The following JARID2 variants were observed in gnomAD, a reference collection of about 807,000 sequenced individuals.
JARID2 encodes jumonji and AT-rich interaction domain containing 2, also known as protein Jumonji.
A neutral mutation model predicts 125.6 loss-of-function variants in JARID2; 21 were observed. The ratio of observed to expected loss-of-function variants is 0.17; its 90% CI spans 0.12 to 0.24. The LOEUF is 0.24. JARID2 is among the 10% of genes least tolerant of loss of function. The pLI, the probability that JARID2 is intolerant of heterozygous loss-of-function variation, is 1.00. For synonymous variants in JARID2, 736 were observed against 661.6 expected (o/e 1.11, Z -1.73); for missense variants, 1,303 against 1,639.6 (o/e 0.79, Z 3.55).
At chr6:15,484,872 C>T (rs1382763735) in intron 5 of JARID2, among the ~76,000 whole-genome samples, 1 of 152,130 alleles carries the variant, frequency 6.6e-6, no homozygotes. Flanking sequence ...AAAGCAACTA[C>T]TTCCTATGTT....
At chr6:15,325,883 G>A (rs923183018) in intron 1 of JARID2, among the ~76,000 whole-genome samples, 1 of 152,118 alleles carries the variant, frequency 6.6e-6, no homozygotes. Context: ...GTTGACTCCC[G>A]TTAAGCCAGA....
chr6:15,453,411 G>A (rs1354365790), intron 4 of JARID2, among the ~76,000 whole-genome samples: 1 of 152,188 alleles, frequency 6.6e-6, no homozygotes, highest in Non-Finnish European at 1.5e-5. Context: ...TGTGTTCTTG[G>A]CAGGAATGCC....
intron 2 of JARID2, among the ~76,000 whole-genome samples, chr6:15,383,072 G>GTTTGCTACAGCCTA (rs1581483129): frequency 6.6e-6 from 1 of 152,190 alleles, no homozygotes; most frequent in East Asian, 1.9e-4. Flanking sequence ...AGTTGGGCCT[G>GTTTGCTACAGCCTA]TTTGCTACAG....
chr6:15,483,104 T>C (rs9383062), intron 5 of JARID2, among the ~76,000 whole-genome samples: 1 of 152,068 alleles, frequency 6.6e-6, no homozygotes, highest in Non-Finnish European at 1.5e-5. Flanking sequence ...GAAAAAAATC[T>C]AGTAACTAAG....
At chr6:15,493,946 A>G (rs2237120) in intron 6 of JARID2, among the ~76,000 whole-genome samples, 39,326 of 151,860 alleles carry the variant, frequency 0.26, 5,560 homozygotes, top group East Asian at 0.43. Flanking sequence ...AGGGTTTCGC[A>G]TTATTTATTC....
intron 1 of JARID2, among the ~76,000 whole-genome samples, chr6:15,334,200 A>T (rs879757600): frequency 6.6e-6 from 1 of 152,198 alleles, no homozygotes; most frequent in Non-Finnish European, 1.5e-5. Context: ...CTTAATTACA[A>T]TAAATCATAC....
intron 1 of JARID2, among the ~76,000 whole-genome samples, chr6:15,264,535 A>T (rs1392419753): frequency 6.6e-6 from 1 of 151,856 alleles, no homozygotes; most frequent in Admixed American, 6.6e-5. Flanking sequence ...GCTATATTCA[A>T]TATTTTTCTC....
At chr6:15,407,842 C>T (rs1377361804) in intron 2 of JARID2, among the ~76,000 whole-genome samples, 1 of 152,164 alleles carries the variant, frequency 6.6e-6, no homozygotes, top group African/African-American at 2.4e-5. Flanking sequence ...TTTGATTAAC[C>T]TGTATCCCCA....
At chr6:15,517,072 G>A in intron 16 of JARID2, 89 bp from the exon 17 acceptor site, 2 of 916,708 alleles carry the variant, frequency 2.2e-6, no homozygotes. Flanking sequence ...GGGTGTGGTG[G>A]CTGCCCGGCC....
chr6:15,413,000 G>GTTTTTTTTTTTTTTTT (rs1561845196), intron 3 of JARID2, among the ~76,000 whole-genome samples: 1 of 65,052 alleles, frequency 1.5e-5, no homozygotes, highest in African/African-American at 6.0e-5. Context: ...GGAAGAGCTT[G>GTTTTTTTTTTTTTTTT]TGTTTTTGTT....
At chr6:15,332,215 A>G (rs1034680919) in intron 1 of JARID2, among the ~76,000 whole-genome samples, 1 of 152,248 alleles carries the variant, frequency 6.6e-6, no homozygotes, top group Non-Finnish European at 1.5e-5. Flanking sequence ...ATTTATTAAT[A>G]TTTACAGGGC....
chr6:15,513,148 A>AG lies in JARID2; in HGVS notation c.3267-88dup. On this transcript the variant is annotated intron_variant, in intron 15 of 17. Transcript: ENST00000341776. The stretch of plus-strand genomic sequence containing the variant: ...CTTCCTGACAGGAGGGTGTGTCTGC[A>AG]GGGAGGCCGGTGTGGGGTGCGTGTG... The AG allele has an allele frequency of 7.7e-6, 12 of 1,560,356 alleles. No homozygotes were observed. In the South Asian group the frequency reaches 1.3e-4, roughly 17 times the overall value.
intron 2 of JARID2, among the ~76,000 whole-genome samples, chr6:15,408,171 C>A (rs1765725552): frequency 6.6e-6 from 1 of 152,000 alleles, no homozygotes; most frequent in South Asian, 2.1e-4. Flanking sequence ...AGGATTTCTC[C>A]AGCCCAGGAG....
intron 5 of JARID2, among the ~76,000 whole-genome samples, chr6:15,471,224 G>C (rs1769061231): frequency 6.6e-6 from 1 of 152,188 alleles, no homozygotes. Flanking sequence ...GATGGTGAGA[G>C]ACAACCGAAT....
intron 1 of JARID2, among the ~76,000 whole-genome samples, chr6:15,269,947 G>C (rs1760233649): frequency 1.3e-5 from 2 of 152,080 alleles, no homozygotes; most frequent in South Asian, 2.1e-4. Context: ...TTTCTTTCCT[G>C]AGTAATTATA....
At chr6:15,373,585 G>T (rs1764247048) in intron 1 of JARID2, among the ~76,000 whole-genome samples, 2 of 152,108 alleles carry the variant, frequency 1.3e-5, no homozygotes, top group Middle Eastern at 3.2e-3. Flanking sequence ...TACTTAAGTG[G>T]CCAATGCGGA....
intron 1 of JARID2, among the ~76,000 whole-genome samples, chr6:15,290,547 G>C (rs955321319): frequency 6.6e-6 from 1 of 152,132 alleles, no homozygotes; most frequent in Non-Finnish European, 1.5e-5. Context: ...ACTGCTTTCT[G>C]TACACAGTTT....
intron 2 of JARID2, among the ~76,000 whole-genome samples, chr6:15,401,921 A>C (rs571805305): frequency 2.4e-4 from 17 of 69,572 alleles, no homozygotes; most frequent in African/African-American, 7.0e-4. Flanking sequence ...TTTTTTTTTT[A>C]CTTTGAATGG....
intron 3 of JARID2, among the ~76,000 whole-genome samples, chr6:15,431,783 T>A (rs1766977966): frequency 6.6e-6 from 1 of 152,216 alleles, no homozygotes; most frequent in Admixed American, 6.5e-5. Context: ...GTCTCCAGTG[T>A]TGTCCCTTTA....
Sources: gnomAD v4.1 joint callset for allele counts (sites outside exome capture counted in the v4.1 genomes callset) on GRCh38, gnomAD v4.1.1 for gene constraint, MANE v1.5 for transcripts, NCBI Gene and HGNC (gene_info 2026-07-23, HGNC 2026-07-21) for gene names.